SLC35F4: variants seen among roughly 807,000 people sequenced by gnomAD.
SLC35F4 encodes chromosome 14 open reading frame 36.
Under a neutral mutation model 44.2 loss-of-function variants are expected in SLC35F4, and 24 were observed. That is an observed-to-expected ratio of 0.54 (90% CI 0.39 to 0.76). The LOEUF (loss-of-function observed/expected upper bound fraction) is 0.76. SLC35F4 is among the 30% of genes least tolerant of loss of function. SLC35F4 has a pLI of 0.00. For missense variants in SLC35F4, 562 were observed against 586.1 expected (o/e 0.96, Z 0.42); for synonymous variants, 238 against 223.6 (o/e 1.06, Z -0.57).
chr14:57,863,357 A>G (rs982416000), intron 1 of SLC35F4, among the ~76,000 whole-genome samples: 2 of 152,364 alleles, frequency 1.3e-5, no homozygotes, highest in Middle Eastern at 3.4e-3. Context: ...AGCAAACAGC[A>G]GGATGCATTA....
intron 1 of SLC35F4, among the ~76,000 whole-genome samples, chr14:57,716,320 T>C (rs2075942672): frequency 6.6e-6 from 1 of 151,858 alleles, no homozygotes. Context: ...TCTTTTGTAA[T>C]ACTAACCTAT....
chr14:57,580,417 A>C lies in SLC35F4; in HGVS notation c.807+797T>G, dbSNP rs986156946. 12 of 202,364 alleles carry C rather than the reference A, an allele frequency of 5.9e-5. No individual in the cohort carries two copies. The East Asian group carries it at 7.6e-4, about 13-fold the overall frequency. The allele number at this position is 202,364 out of a possible 1,614,324, so 12.5% of individuals were successfully genotyped here. A position where few individuals can be genotyped will look rare whatever the true frequency, so the allele number is the denominator to read the frequency against. On this transcript the variant is annotated intron_variant, in intron 4 of 7. Transcript: ENST00000556826. ...TAAGTTGTGTAATATTGATACTCTG[A>C]GAAAAGGCAATTCATTTATACCTCC...
At chr14:57,630,795 C>A (rs765813986) in intron 1 of SLC35F4, 14 of 551,146 alleles carry the variant, frequency 2.5e-5, no homozygotes, top group Middle Eastern at 6.9e-4. Context: ...TAAAAAGACA[C>A]TTGTTAGTTT....
chr14:57,677,335 A>G (rs1022821045), intron 1 of SLC35F4, among the ~76,000 whole-genome samples: 3 of 151,970 alleles, frequency 2.0e-5, no homozygotes, highest in Non-Finnish European at 4.4e-5. Flanking sequence ...TGGGTGCACC[A>G]AAACCTCAGA....
intron 1 of SLC35F4, among the ~76,000 whole-genome samples, chr14:57,872,568 A>G (rs183144530): frequency 6.6e-6 from 1 of 152,244 alleles, no homozygotes; most frequent in Non-Finnish European, 1.5e-5. Flanking sequence ...AACCTCCTGC[A>G]CCAGCATTTC....
At chr14:57,887,606 T>A (rs886359740) in intron 1 of SLC35F4, among the ~76,000 whole-genome samples, 5 of 152,168 alleles carry the variant, frequency 3.3e-5, no homozygotes, top group Admixed American at 6.6e-5. Flanking sequence ...GTCACCTCAA[T>A]GAGGAGTTAC....
chr14:57,675,132 G>T (rs1462075962), intron 1 of SLC35F4, among the ~76,000 whole-genome samples: 1 of 152,048 alleles, frequency 6.6e-6, no homozygotes, highest in African/African-American at 2.4e-5. Flanking sequence ...TCTGGTGGTG[G>T]TTAGAGGAGG....
chr14:57,836,363 G>T (rs1884920528), intron 1 of SLC35F4, among the ~76,000 whole-genome samples: 1 of 152,268 alleles, frequency 6.6e-6, no homozygotes, highest in African/African-American at 2.4e-5. Flanking sequence ...CGCGATCTCA[G>T]CTCACTGCAA....
intron 1 of SLC35F4, among the ~76,000 whole-genome samples, chr14:57,645,475 T>C (rs2073461461): frequency 1.3e-5 from 2 of 152,150 alleles, no homozygotes; most frequent in East Asian, 3.8e-4. Flanking sequence ...TGATTTTGTA[T>C]CCTGAGACTT....
chr14:57,610,914 A>G (rs1388608386), intron 1 of SLC35F4, among the ~76,000 whole-genome samples: 1 of 152,248 alleles, frequency 6.6e-6, no homozygotes, highest in Non-Finnish European at 1.5e-5. Flanking sequence ...AAACATATGG[A>G]TAGAGCATGT....
intron 1 of SLC35F4, among the ~76,000 whole-genome samples, chr14:57,786,518 A>G (rs2077764315): frequency 6.6e-6 from 1 of 151,960 alleles, no homozygotes; most frequent in African/African-American, 2.4e-5. Flanking sequence ...AGTCCATTGC[A>G]CTCCCTTGTC....
intron 1 of SLC35F4, among the ~76,000 whole-genome samples, chr14:57,838,158 T>C (rs746216166): frequency 7.9e-5 from 12 of 152,104 alleles, no homozygotes; most frequent in Non-Finnish European, 1.3e-4. Context: ...CAAAGCAATG[T>C]TTCATAATAA....
intron 1 of SLC35F4, among the ~76,000 whole-genome samples, chr14:57,746,089 G>T (rs1168231668): frequency 2.6e-5 from 4 of 152,074 alleles, no homozygotes; most frequent in African/African-American, 4.8e-5. Context: ...GTCATGGAGT[G>T]GGGGGCAGGG....
intron 1 of SLC35F4, among the ~76,000 whole-genome samples, chr14:57,796,167 T>C (rs2078049588): frequency 6.6e-6 from 1 of 152,202 alleles, no homozygotes; most frequent in African/African-American, 2.4e-5. Context: ...ATGGTACATA[T>C]ACCTCATTTT....
intron 1 of SLC35F4, among the ~76,000 whole-genome samples, chr14:57,615,256 A>T (rs1037171306): frequency 5.3e-5 from 8 of 152,234 alleles, no homozygotes; most frequent in Non-Finnish European, 7.3e-5. Flanking sequence ...TCCTAGGCAC[A>T]GGGCAAGACA....
intron 1 of SLC35F4, chr14:57,596,648 G>C (rs773135100): frequency 2.7e-5 from 16 of 595,662 alleles, no homozygotes; most frequent in South Asian, 2.1e-4. Flanking sequence ...TGGGTAGCAA[G>C]TTGGGATGGG....
At chr14:57,667,095 G>C (rs2074335820) in intron 1 of SLC35F4, among the ~76,000 whole-genome samples, 1 of 151,434 alleles carries the variant, frequency 6.6e-6, no homozygotes, top group Non-Finnish European at 1.5e-5. Context: ...AGACAGAGGA[G>C]AGAAGAGCAG....
chr14:57,921,079 T>C (rs557942198), intron 1 of SLC35F4, among the ~76,000 whole-genome samples: 2 of 152,364 alleles, frequency 1.3e-5, no homozygotes, highest in African/African-American at 4.8e-5. Context: ...TCTTTTCACA[T>C]TTTTGTTACA....
intron 1 of SLC35F4, among the ~76,000 whole-genome samples, chr14:57,680,320 A>G (rs1594781714): frequency 6.6e-6 from 1 of 152,152 alleles, no homozygotes; most frequent in Non-Finnish European, 1.5e-5. Flanking sequence ...ACAAAATTCA[A>G]CAGCCCTTCA....
Sources: gnomAD v4.1 joint callset for allele counts (sites outside exome capture counted in the v4.1 genomes callset) on GRCh38, gnomAD v4.1.1 for gene constraint, MANE v1.5 for transcripts, NCBI Gene and HGNC (gene_info 2026-07-23, HGNC 2026-07-21) for gene names.